ENTPD4: variants seen among roughly 807,000 people sequenced by gnomAD.
The protein encoded by ENTPD4 is Golgi UDPase.
In ENTPD4, 60 loss-of-function variants were observed where a neutral mutation model predicts 79.1. The ratio of observed to expected loss-of-function variants is 0.76; its 90% CI spans 0.62 to 0.94. The LOEUF (loss-of-function observed/expected upper bound fraction) is 0.94. Ranked by LOEUF, ENTPD4 falls within the 40% of genes least tolerant of loss-of-function variation. The pLI is 0.00. For synonymous variants in ENTPD4, 276 were observed against 292.0 expected (o/e 0.95, Z 0.56); for missense variants, 772 against 775.1 (o/e 1.00, Z 0.05).
chr8:23,441,520 G>A (rs753592832), intron 8 of ENTPD4, 49 bp downstream of exon 8: 7 of 1,600,980 alleles, frequency 4.4e-6, no homozygotes, highest in East Asian at 2.2e-5. Context: ...ATGGACACAC[G>A]TTAAATGAAA....
intron 1 of ENTPD4, among the ~76,000 whole-genome samples, chr8:23,455,422 GTCTT>G (rs906316646): frequency 6.6e-6 from 1 of 152,214 alleles, no homozygotes; most frequent in African/African-American, 2.4e-5. Flanking sequence ...AGAAACAACT[GTCTT>G]TCTGAGAGTG....
chr8:23,432,018 C>T lies in ENTPD4; in HGVS notation c.*908G>A. The stretch of plus-strand genomic sequence containing the variant: ...CGCTGGTTTCTTGGGATTTTTCACA[C>T]ACTCGCACAAAGCTGTAGTCGATAG... On this transcript the variant is annotated 3_prime_UTR_variant, in exon 13 of 13. Coordinates refer to ENST00000358689, the MANE Select transcript of ENTPD4 (RefSeq NM_004901.5). 1 of 985,450 alleles carries T rather than the reference C, an allele frequency of 1.0e-6. No homozygotes were observed. Among genetic ancestry groups the T allele is most frequent in the Non-Finnish European group, 1.2e-6 (1 of 829,942 alleles). 61.0% of individuals were successfully genotyped at this position (985,450 alleles called of 1,614,324 possible). A position where few individuals can be genotyped will look rare whatever the true frequency, so the allele number is the denominator to read the frequency against.
At chr8:23,443,618 T>A (rs1447462244) in intron 6 of ENTPD4, among the ~76,000 whole-genome samples, 1 of 152,248 alleles carries the variant, frequency 6.6e-6, no homozygotes, top group Admixed American at 6.5e-5. Flanking sequence ...TATCAAGCTA[T>A]GTCACTACAT....
intron 1 of ENTPD4, among the ~76,000 whole-genome samples, chr8:23,450,624 G>T (rs890879507): frequency 1.3e-5 from 2 of 152,156 alleles, no homozygotes; most frequent in African/African-American, 4.8e-5. Context: ...TCTGAGCTCT[G>T]GAATAACTGC....
At position 23,432,928 on chromosome 8, in the gene ENTPD4, A is replaced by C. The variant is rs866761610; in HGVS notation, c.1849T>G (p.Ter617GlyextTer52). The C allele has an allele frequency of 6.3e-7, 1 of 1,591,676 alleles. No homozygotes were observed. The highest frequency in any genetic ancestry group is 1.7e-4 in the Middle Eastern group (1 of 6,022). Residue 617 changes from the stop codon to glycine (G), a stop_lost, in exon 13 of 13, where the codon TGA becomes GGA. Transcript: ENST00000358689. ...TCTTCGTGGAGCTGTGAGCTGGATC[A>C]CAAGGTCCCCGGGGCATTCTGGGCG... is the stretch of plus-strand genomic sequence containing the variant. ...LPAQNAPGTL[*>G]
rs1413398234 is a variant in ENTPD4, at chr8:23,431,830, A to G, written c.*1096T>C. 4 of 985,362 alleles carry G rather than the reference A, an allele frequency of 4.1e-6. No homozygotes were observed. The African/African-American group carries it at 5.2e-5, about 13-fold the overall frequency. 61.0% of individuals were successfully genotyped at this position (985,362 alleles called of 1,614,324 possible). The stretch of plus-strand genomic sequence containing the variant: ...AAACTGGTGAAACTAGGAATTTCCA[A>G]TTCTTTCAAAACCACAGTGTTCTAA... On this transcript the variant is annotated 3_prime_UTR_variant, in exon 13 of 13. Transcript: ENST00000358689.
At chr8:23,453,450 G>A (rs903812249) in intron 1 of ENTPD4, among the ~76,000 whole-genome samples, 2 of 152,258 alleles carry the variant, frequency 1.3e-5, no homozygotes, top group East Asian at 1.9e-4. Context: ...ATGACAAAGA[G>A]TAAATAACCT....
chr8:23,442,239 G>A (rs946810838), intron 6 of ENTPD4, among the ~76,000 whole-genome samples, 173 bp from the exon 7 acceptor site: 1 of 152,132 alleles, frequency 6.6e-6, no homozygotes, highest in Admixed American at 6.5e-5. Flanking sequence ...GGCTTTCCAA[G>A]AACTCTCAAC....
chr8:23,439,155 T>C (rs2117284096), intron 9 of ENTPD4, among the ~76,000 whole-genome samples: 1 of 152,328 alleles, frequency 6.6e-6, no homozygotes, highest in South Asian at 2.1e-4. Context: ...AGTGCTGTTT[T>C]GTTTTATATA....
intron 3 of ENTPD4, among the ~76,000 whole-genome samples, 157 bp from the exon 4 acceptor site, chr8:23,448,042 GAAAAC>G (rs1425078946): frequency 2.0e-5 from 3 of 152,112 alleles, no homozygotes; most frequent in East Asian, 1.9e-4. Flanking sequence ...AGAGTCAAAA[GAAAAC>G]AAAACAAGTG....
intron 1 of ENTPD4, among the ~76,000 whole-genome samples, chr8:23,455,479 A>T (rs1800941703): frequency 6.7e-6 from 1 of 149,798 alleles, no homozygotes; most frequent in Non-Finnish European, 1.5e-5. Context: ...GTTACTCAGT[A>T]GTGACAAAAG....
intron 4 of ENTPD4, among the ~76,000 whole-genome samples, chr8:23,445,421 C>T (rs1800748439): frequency 6.6e-6 from 1 of 152,202 alleles, no homozygotes; most frequent in African/African-American, 2.4e-5. Context: ...CCCTGCTCTG[C>T]ATAACTCACC....
chr8:23,450,179 C>T (rs1800834615), intron 1 of ENTPD4, among the ~76,000 whole-genome samples, 182 bp from the exon 2 acceptor site: 1 of 152,150 alleles, frequency 6.6e-6, no homozygotes, highest in African/African-American at 2.4e-5. Flanking sequence ...CCAATATAGA[C>T]CTAAATCAAA....
At chr8:23,444,008 G>C in intron 5 of ENTPD4, 55 bp from the exon 6 acceptor site, 2 of 1,195,652 alleles carry the variant, frequency 1.7e-6, no homozygotes, top group South Asian at 2.7e-5. Flanking sequence ...GGTATCTTCT[G>C]TTTAGAAAAG....
chr8:23,434,850 C>A, intron 11 of ENTPD4: 1 of 354,032 alleles, frequency 2.8e-6, no homozygotes, highest in South Asian at 8.3e-5. Context: ...TAGGAAGGTT[C>A]TCTTCAGCTC....
At chr8:23,433,240 GC>G in intron 12 of ENTPD4, 86 bp from the exon 13 acceptor site, 1 of 1,142,422 alleles carries the variant, frequency 8.8e-7, no homozygotes, top group Non-Finnish European at 1.3e-6. Context: ...CGGGACCCAG[GC>G]CCCAGAGCTG....
chr8:23,445,134 G>A (rs147249799), intron 4 of ENTPD4, among the ~76,000 whole-genome samples: 2,545 of 152,236 alleles, frequency 0.017, 22 homozygotes, highest in Middle Eastern at 0.044. Context: ...GAGGCCATCA[G>A]CGCTGGGCAC....
chr8:23,451,207 A>G (rs533711113), intron 1 of ENTPD4, among the ~76,000 whole-genome samples: 2 of 152,124 alleles, frequency 1.3e-5, no homozygotes, highest in South Asian at 2.1e-4. Context: ...CTTTTAGTAG[A>G]GACGGGGTTT....
intron 4 of ENTPD4, among the ~76,000 whole-genome samples, chr8:23,446,391 G>A (rs1800763734): frequency 1.3e-5 from 2 of 152,078 alleles, no homozygotes; most frequent in Admixed American, 6.6e-5. Flanking sequence ...CAGTCTTCTC[G>A]TAAGTTTTTT....
Sources: gnomAD v4.1 joint callset for allele counts (sites outside exome capture counted in the v4.1 genomes callset) on GRCh38, gnomAD v4.1.1 for gene constraint, MANE v1.5 for transcripts, NCBI Gene and HGNC (gene_info 2026-07-23, HGNC 2026-07-21) for gene names.